SRPK2: variants seen among roughly 807,000 people sequenced by gnomAD.
SRPK2 encodes the protein SFRS protein kinase 2.
In SRPK2, 21 loss-of-function variants were observed where a neutral mutation model predicts 90.8. The observed-to-expected ratio is 0.23, with a 90% CI of 0.16 to 0.33. The LOEUF (loss-of-function observed/expected upper bound fraction) is 0.33, where lower values mean the gene tolerates loss of function less well. SRPK2 is among the 10% of genes least tolerant of loss of function. The pLI is 1.00. For synonymous variants in SRPK2, 288 were observed against 311.1 expected, an observed-to-expected ratio of 0.93 and a Z score of 0.78; for missense variants, 620 against 869.0, an observed-to-expected ratio of 0.71 and a Z score of 3.60.
chr7:105,323,460 T>C (rs775733385), intron 2 of SRPK2, among the ~76,000 whole-genome samples: 3 of 152,194 alleles, frequency 2.0e-5, no homozygotes, highest in African/African-American at 4.8e-5. Context: ...GAGAACCACA[T>C]AGAATCTTTC....
At chr7:105,341,427 C>T (rs1477569924) in intron 2 of SRPK2, among the ~76,000 whole-genome samples, 2 of 149,824 alleles carry the variant, frequency 1.3e-5, no homozygotes, top group Non-Finnish European at 3.0e-5. Context: ...AATCCCAGCA[C>T]TTCGAGAGGC....
chr7:105,177,072 C>T (rs909942906), intron 3 of SRPK2, among the ~76,000 whole-genome samples: 2 of 151,800 alleles, frequency 1.3e-5, no homozygotes, highest in East Asian at 1.9e-4. Context: ...GCTGCAATTC[C>T]GCTAATATTA....
chr7:105,347,191 G>A (rs930590396), intron 2 of SRPK2, among the ~76,000 whole-genome samples: 2 of 151,294 alleles, frequency 1.3e-5, no homozygotes, highest in African/African-American at 2.4e-5. Context: ...AGCCTTCTAA[G>A]TAGCTGGGAC....
chr7:105,343,837 A>G (rs1437559899), intron 2 of SRPK2, among the ~76,000 whole-genome samples: 1 of 152,084 alleles, frequency 6.6e-6, no homozygotes, highest in Non-Finnish European at 1.5e-5. Flanking sequence ...ATCTTGGCTC[A>G]CTGAAACCTC....
chr7:105,356,323 G>A (rs1024368228), intron 2 of SRPK2, among the ~76,000 whole-genome samples: 1 of 152,048 alleles, frequency 6.6e-6, no homozygotes, highest in African/African-American at 2.4e-5. Flanking sequence ...GGAGCATGAA[G>A]GAAACTAGAG....
intron 2 of SRPK2, among the ~76,000 whole-genome samples, chr7:105,315,549 A>G (rs542630781): frequency 6.6e-6 from 1 of 152,344 alleles, no homozygotes; most frequent in South Asian, 2.1e-4. Flanking sequence ...CCAGGCAAAC[A>G]TGAGAATTCT....
intron 2 of SRPK2, among the ~76,000 whole-genome samples, chr7:105,313,341 G>A (rs1020765223): frequency 1.3e-5 from 2 of 151,470 alleles, no homozygotes; most frequent in Admixed American, 6.6e-5. Flanking sequence ...CAGCTACTCG[G>A]GCAGCTGAGG....
At chr7:105,236,803 T>C (rs1800197491) in intron 2 of SRPK2, among the ~76,000 whole-genome samples, 1 of 151,908 alleles carries the variant, frequency 6.6e-6, no homozygotes, top group African/African-American at 2.4e-5. Flanking sequence ...ATTTAAGTAA[T>C]CAAGAAAAAG....
At chr7:105,138,583 G>A (rs1373907244) in intron 11 of SRPK2, among the ~76,000 whole-genome samples, 5 of 152,156 alleles carry the variant, frequency 3.3e-5, no homozygotes, top group South Asian at 2.1e-4. Flanking sequence ...CAGATCACTC[G>A]AGCCCATGAG....
At chr7:105,287,260 A>G (rs58974019) in intron 2 of SRPK2, among the ~76,000 whole-genome samples, 2 of 55,100 alleles carry the variant, frequency 3.6e-5, no homozygotes, top group East Asian at 5.4e-4. Context: ...GACTCCGTCT[A>G]AAAAAAAAAA....
At chr7:105,171,902 T>C (rs1214297214) in intron 3 of SRPK2, among the ~76,000 whole-genome samples, 2 of 152,178 alleles carry the variant, frequency 1.3e-5, no homozygotes, top group Non-Finnish European at 2.9e-5. Context: ...TTTATTTATT[T>C]ATTTATATTT....
chr7:105,341,346 A>G (rs1815752579), intron 2 of SRPK2, among the ~76,000 whole-genome samples: 1 of 121,534 alleles, frequency 8.2e-6, no homozygotes, highest in African/African-American at 3.5e-5. Flanking sequence ...CGAAAGGGCG[A>G]GACTCCGTCT....
rs115866663 is a variant in SRPK2, at chr7:105,398,567, A to G, written n.153+589T>C. On this transcript the variant is annotated intron_variant and non_coding_transcript_variant, in intron 1 of 3. Coordinates refer to the SRPK2 transcript ENST00000462282. ...CCTAGCTAATTTTTGTATTTTTAGT[A>G]GAGACTAAAATTTTAGGGTTTCACC... is the stretch of plus-strand genomic sequence containing the variant. 4.3e-3 allele frequency among the ~76,000 whole-genome samples: 656 copies of G among 152,260 alleles called. 5 individuals carry two copies. The highest frequency in any genetic ancestry group is 0.015 in the African/African-American group (626 of 41,550).
chr7:105,134,179 T>G (rs1802449512), intron 11 of SRPK2, among the ~76,000 whole-genome samples: 1 of 152,316 alleles, frequency 6.6e-6, no homozygotes, highest in Admixed American at 6.5e-5. Flanking sequence ...TTCGGGTTTG[T>G]GTCCCTGCCC....
At chr7:105,142,960 G>C in intron 10 of SRPK2, 124 bp downstream of exon 10, 1 of 1,290,414 alleles carries the variant, frequency 7.7e-7, no homozygotes, top group Non-Finnish European at 1.1e-6. Flanking sequence ...CCAATAGGGA[G>C]TTGGAGAGAA....
At chr7:105,226,803 C>T (rs1798768731) in intron 2 of SRPK2, among the ~76,000 whole-genome samples, 1 of 151,588 alleles carries the variant, frequency 6.6e-6, no homozygotes, top group Non-Finnish European at 1.5e-5. Flanking sequence ...TAAAGACCAG[C>T]CATGGCCAAT....
At chr7:105,350,745 C>G (rs570302608) in intron 2 of SRPK2, among the ~76,000 whole-genome samples, 64 of 151,540 alleles carry the variant, frequency 4.2e-4, no homozygotes, top group Non-Finnish European at 8.3e-4. Context: ...TGGTCTCCAA[C>G]TCCTGACCTC....
rs548508778 is a variant in SRPK2, at chr7:105,281,347, C to T, written c.72-77562G>A. 3.9e-5 allele frequency among the ~76,000 whole-genome samples: 6 copies of T among 152,226 alleles called. No individual in the cohort carries two copies. In the East Asian group the frequency reaches 9.7e-4, roughly 25 times the overall value. ...CTGACCTCAAGTGATCTATCCACCT[C>T]GGCCGCCCAAAGTGCTGGGATTACA... is the stretch of plus-strand genomic sequence containing the variant. On this transcript the variant is annotated intron_variant, in intron 2 of 15. Coordinates refer to ENST00000393651, the MANE Select transcript of SRPK2 (RefSeq NM_182692.3).
chr7:105,166,374 G>A (rs544313309), intron 6 of SRPK2, among the ~76,000 whole-genome samples: 15 of 152,286 alleles, frequency 9.8e-5, no homozygotes, highest in African/African-American at 2.2e-4. Context: ...GATATCTGAC[G>A]AGATATCAAG....
Sources: allele counts gnomAD v4.1 joint callset (sites outside exome capture counted in the v4.1 genomes callset), GRCh38; gene constraint gnomAD v4.1.1; transcripts MANE v1.5; gene names NCBI Gene and HGNC (gene_info 2026-07-23, HGNC 2026-07-21).